Variants in ERG observed in about 807,000 individuals in gnomAD.
The protein encoded by ERG is transcriptional regulator ERG.
Under a neutral mutation model 55.3 loss-of-function variants are expected in ERG, and 9 were observed. That is an observed-to-expected ratio of 0.16 (90% CI 0.10 to 0.28). The LOEUF is 0.28. Ranked by LOEUF, ERG falls within the 10% of genes least tolerant of loss-of-function variation. The probability of loss-of-function intolerance (pLI) is 1.00; values close to 1 mark genes in which losing one functional copy is unlikely to be tolerated. For synonymous variants in ERG, 223 were observed against 237.3 expected, an observed-to-expected ratio of 0.94 and a Z score of 0.55; for missense variants, 434 against 631.6, an observed-to-expected ratio of 0.69 and a Z score of 3.35.
At chr21:38,570,560 T>C (rs960426300) in intron 2 of ERG, among the ~76,000 whole-genome samples, 4 of 152,224 alleles carry the variant, frequency 2.6e-5, no homozygotes, top group Non-Finnish European at 5.9e-5. Context: ...AGCTCACAAT[T>C]GTTTAGTACT....
intron 3 of ERG, among the ~76,000 whole-genome samples, chr21:38,408,677 C>A (rs1320948788): frequency 6.6e-6 from 1 of 152,162 alleles, no homozygotes; most frequent in African/African-American, 2.4e-5. Context: ...TCTCTAGTCT[C>A]CTCCACACTC....
At chr21:38,623,966 C>G (rs963943675) in intron 1 of ERG, among the ~76,000 whole-genome samples, 1 of 152,314 alleles carries the variant, frequency 6.6e-6, no homozygotes, top group African/African-American at 2.4e-5. Flanking sequence ...CCCAGAGTTA[C>G]AGTAATCACA....
At chr21:38,386,923 C>A (rs991692272) in intron 9 of ERG, among the ~76,000 whole-genome samples, 7 of 152,096 alleles carry the variant, frequency 4.6e-5, no homozygotes, top group African/African-American at 1.7e-4. Context: ...TGTCCACCTA[C>A]AGAGAACCCT....
intron 1 of ERG, among the ~76,000 whole-genome samples, chr21:38,639,835 C>T (rs956404339): frequency 6.6e-6 from 1 of 152,174 alleles, no homozygotes; most frequent in Non-Finnish European, 1.5e-5. Flanking sequence ...TGAAGAACTA[C>T]ACCAACCATG....
intron 5 of ERG, among the ~76,000 whole-genome samples, chr21:38,400,914 G>GTGTCCCCCT (rs1405839746): frequency 1.1e-4 from 17 of 152,184 alleles, no homozygotes; most frequent in Non-Finnish European, 2.2e-4. Context: ...AGCCCTATCT[G>GTGTCCCCCT]TGTCCCCCTC....
intron 1 of ERG, among the ~76,000 whole-genome samples, chr21:38,617,995 G>C (rs2060268474): frequency 6.6e-6 from 1 of 152,142 alleles, no homozygotes; most frequent in Non-Finnish European, 1.5e-5. Context: ...GCAGGACGAG[G>C]CTTAAAAGAA....
In ERG at chr21:38,489,061, T is replaced by G. The variant is rs537086855; in HGVS notation, c.18+9302A>C. On this transcript the variant is annotated intron_variant, in intron 1 of 9. Coordinates refer to ENST00000288319, the MANE Select transcript of ERG (RefSeq NM_182918.4). The stretch of plus-strand genomic sequence containing the variant: ...GGAAGTTTCCACTGGGAGCCCTTCC[T>G]GCATCAGTGCGTCTCTGGTTGGGCT... 6.2e-4 allele frequency among the ~76,000 whole-genome samples: 95 copies of G among 152,228 alleles called. 1 individual carries two copies. Among genetic ancestry groups the G allele is most frequent in the Non-Finnish European group, 1.2e-3 (81 of 68,040 alleles).
chr21:38,607,271 T>C (rs745609473), intron 1 of ERG, among the ~76,000 whole-genome samples: 2 of 152,056 alleles, frequency 1.3e-5, no homozygotes, highest in Non-Finnish European at 2.9e-5. Context: ...GACACTTAAT[T>C]AAAGAGCTAT....
intron 1 of ERG, among the ~76,000 whole-genome samples, chr21:38,613,130 C>T (rs56871124): frequency 0.24 from 36,117 of 152,156 alleles, 4,912 homozygotes; most frequent in African/African-American, 0.37. Flanking sequence ...TTAAGCACCG[C>T]ATAGGAAGAA....
At chr21:38,630,954 A>G (rs2060352812) in intron 1 of ERG, among the ~76,000 whole-genome samples, 1 of 152,218 alleles carries the variant, frequency 6.6e-6, no homozygotes, top group South Asian at 2.1e-4. Context: ...ATGAAGAAGA[A>G]CAAAAATGAA....
At chr21:38,606,878 G>A (rs1319964203) in intron 1 of ERG, among the ~76,000 whole-genome samples, 1 of 152,134 alleles carries the variant, frequency 6.6e-6, no homozygotes, top group African/African-American at 2.4e-5. Flanking sequence ...TTATTCAGAA[G>A]ATATATTTGG....
At chr21:38,586,035 T>C (rs1466372386), upstream of ERG, among the ~76,000 whole-genome samples, 2 of 151,862 alleles carry the variant, frequency 1.3e-5, no homozygotes, top group Admixed American at 6.6e-5. Flanking sequence ...ATCAAAATGG[T>C]TAACAGTCAT....
chr21:38,568,678 C>T (rs1345199146), intron 2 of ERG, among the ~76,000 whole-genome samples: 1 of 152,184 alleles, frequency 6.6e-6, no homozygotes, highest in Non-Finnish European at 1.5e-5. Context: ...GGTGCCTGAT[C>T]CTCACACAAA....
chr21:38,614,127 G>A (rs747879656), intron 1 of ERG, among the ~76,000 whole-genome samples: 8 of 152,160 alleles, frequency 5.3e-5, no homozygotes, highest in Admixed American at 2.0e-4. Flanking sequence ...AAAGCTAAGC[G>A]CTTTGACTCA....
rs1413101622 is a variant in ERG at position 38,381,080 on chromosome 21, C to T, written c.*2323G>A. On this transcript the variant is annotated 3_prime_UTR_variant, in exon 10 of 10. Transcript: ENST00000288319. The stretch of plus-strand genomic sequence containing the variant: ...AAAATGATGGATGGTTGGGCTCCGT[C>T]TAATCCAAATGACACGGGGTGTCAG... 33 of 1,064,806 alleles carry T rather than the reference C, an allele frequency of 3.1e-5. No individual in the cohort carries two copies. In the East Asian group the frequency reaches 1.6e-3, roughly 53 times the overall value. 66.0% of individuals were successfully genotyped at this position (1,064,806 alleles called of 1,614,324 possible). A position where few individuals can be genotyped will look rare whatever the true frequency, so the allele number is the denominator to read the frequency against.
chr21:38,586,716 CT>C (rs1371414801), upstream of ERG, among the ~76,000 whole-genome samples: 4 of 152,292 alleles, frequency 2.6e-5, no homozygotes, highest in South Asian at 6.2e-4. Context: ...TACAAATGTA[CT>C]ACAACTCAAT....
At chr21:38,438,713 G>A (rs1265433638) in intron 2 of ERG, among the ~76,000 whole-genome samples, 1 of 152,220 alleles carries the variant, frequency 6.6e-6, no homozygotes, top group Non-Finnish European at 1.5e-5. Context: ...CTCAGGCAAG[G>A]ACTTCTGGGG....
chr21:38,423,291 G>T, intron 3 of ERG, 119 bp downstream of exon 3: 2 of 1,086,142 alleles, frequency 1.8e-6, no homozygotes, highest in Non-Finnish European at 2.6e-6. Flanking sequence ...TACAAGCCCT[G>T]CTCTGGACAA....
intron 9 of ERG, among the ~76,000 whole-genome samples, chr21:38,386,308 T>C (rs1440775883): frequency 6.6e-6 from 1 of 152,170 alleles, no homozygotes; most frequent in Non-Finnish European, 1.5e-5. Context: ...CTTTCAAACC[T>C]TGAAAGAAAC....
Sources: allele counts gnomAD v4.1 joint callset (sites outside exome capture counted in the v4.1 genomes callset), GRCh38; gene constraint gnomAD v4.1.1; transcripts MANE v1.5; gene names NCBI Gene and HGNC (gene_info 2026-07-23, HGNC 2026-07-21).